The following WDFY3 variants were observed in gnomAD, a reference collection of about 807,000 sequenced individuals.
The protein encoded by WDFY3 is WD repeat and FYVE domain containing 3, also known as WD repeat and FYVE domain-containing protein 3.
A neutral mutation model predicts 409.6 loss-of-function variants in WDFY3; 66 were observed. That is an observed-to-expected ratio of 0.16 (90% CI 0.13 to 0.20). WDFY3 has a LOEUF of 0.20. WDFY3 is among the 10% of genes least tolerant of loss of function. The probability of loss-of-function intolerance (pLI) is 1.00; values close to 1 mark genes in which losing one functional copy is unlikely to be tolerated. For synonymous variants in WDFY3, 1,521 were observed against 1,537.1 expected, an observed-to-expected ratio of 0.99 and a Z score of 0.25; for missense variants, 3,031 against 4,298.1, an observed-to-expected ratio of 0.71 and a Z score of 8.24.
chr4:84,696,811 T>C lies in WDFY3; in HGVS notation c.8609A>G (p.Asn2870Ser), dbSNP rs1730225239. 3 of 1,613,698 alleles carry C rather than the reference T, an allele frequency of 1.9e-6. No individual in the cohort carries two copies. The highest frequency in any genetic ancestry group is 8.5e-7 in the Non-Finnish European group (1 of 1,179,824). Residue 2870 changes from asparagine (N) to serine (S), a missense_variant, in exon 57 of 68, where the codon AAT (asparagine) becomes AGT (serine). This residue lies in a region of WDFY3 where 129 missense variants were observed against 305.3 expected (regional missense o/e 0.42). Coordinates refer to ENST00000295888, the MANE Select transcript of WDFY3 (RefSeq NM_014991.6). The stretch of plus-strand genomic sequence containing the variant: ...GATAACATCTCCAAGCTTGGTGCCA[T>C]TTTGTTTACAGCCTATGCAATTGGA... ...SNNFDLGCKQNGTKLGDVILP... is the reference protein window; with the variant it reads ...SNNFDLGCKQSGTKLGDVILP...
intron 2 of WDFY3, among the ~76,000 whole-genome samples, chr4:84,912,859 T>C (rs948153271): frequency 1.3e-5 from 2 of 152,186 alleles, no homozygotes; most frequent in Admixed American, 1.3e-4. Context: ...GCAAATGCAG[T>C]TGGGTTTATA....
In WDFY3 at chr4:84,692,894, G is replaced by A; in HGVS notation, c.9040C>T (p.Pro3014Ser). The change falls in exon 59 of 68, where the codon CCT (proline) becomes TCT (serine). Residue 3014 changes from proline (P) to serine (S), a missense_variant. Pro to Ser is a moderately conservative substitution (Grantham distance 74). Coordinates refer to ENST00000295888, the MANE Select transcript of WDFY3 (RefSeq NM_014991.6). ...TTTCTCATTATTTTACCTTTTACAGGTGTTAGAGAAGGCCTCAAGTTGTCT... is the reference window on the plus strand; with the variant it reads ...TTTCTCATTATTTTACCTTTTACAGATGTTAGAGAAGGCCTCAAGTTGTCT... Reference protein sequence around the residue: ...HLDNLRPSLTPVKELKEPVGQ... With the variant: ...HLDNLRPSLTSVKELKEPVGQ... 6.2e-7 allele frequency: 1 copy of A among 1,606,172 alleles called. No homozygotes were observed. Among genetic ancestry groups the A allele is most frequent in the Non-Finnish European group, 8.5e-7 (1 of 1,178,260 alleles).
At position 84,910,638 on chromosome 4, in the gene WDFY3, A is replaced by C. The variant is rs148413371; in HGVS notation, c.-131-13628T>G. Among the ~76,000 whole-genome samples the C allele has an allele frequency of 5.7e-3, 866 of 152,194 alleles. 9 individuals are homozygous for C. Among genetic ancestry groups the C allele is most frequent in the South Asian group, 0.044 (212 of 4,828 alleles). Reference sequence around the variant, plus strand: ...CTTAAAAATTAACATAAAATGGGTCATAGACCTAAATTTAAGAGCTGAAAC... The same window carrying C: ...CTTAAAAATTAACATAAAATGGGTCCTAGACCTAAATTTAAGAGCTGAAAC... On this transcript the variant is annotated intron_variant, in intron 2 of 67. Coordinates refer to ENST00000295888, the MANE Select transcript of WDFY3 (RefSeq NM_014991.6).
chr4:84,746,033 C>T (rs986572539), intron 36 of WDFY3, among the ~76,000 whole-genome samples: 1 of 151,128 alleles, frequency 6.6e-6, no homozygotes, highest in Admixed American at 6.6e-5. Context: ...CCTGGTTGGG[C>T]ACGGTGGCTC....
intron 3 of WDFY3, among the ~76,000 whole-genome samples, chr4:84,881,003 A>ACGAC (rs1763461672): frequency 1.3e-5 from 2 of 151,916 alleles, no homozygotes; most frequent in African/African-American, 4.8e-5. Flanking sequence ...GATTACAGGT[A>ACGAC]CGACCCACTG....
At chr4:84,904,113 G>C (rs1766694985) in intron 2 of WDFY3, among the ~76,000 whole-genome samples, 1 of 152,116 alleles carries the variant, frequency 6.6e-6, no homozygotes, top group African/African-American at 2.4e-5. Flanking sequence ...CACATGTGAG[G>C]ACACAGCAAG....
At chr4:84,946,964 G>A (rs536839205) in intron 1 of WDFY3, among the ~76,000 whole-genome samples, 1 of 151,560 alleles carries the variant, frequency 6.6e-6, no homozygotes, top group South Asian at 2.1e-4. Flanking sequence ...CTGCCACCAC[G>A]CCTGGCTAAT....
chr4:84,740,110 T>A (rs1738143601), intron 39 of WDFY3, 77 bp downstream of exon 39: 1 of 1,398,766 alleles, frequency 7.1e-7, no homozygotes, highest in Non-Finnish European at 1.0e-6. Context: ...AATGTTACTA[T>A]CAAAAAAAAT....
At chr4:84,755,189 A>G in intron 34 of WDFY3, 77 bp downstream of exon 34, 2 of 1,572,474 alleles carry the variant, frequency 1.3e-6, no homozygotes. Context: ...TATGTTACCA[A>G]AAAATTCCTC....
chr4:84,755,349 C>G lies in WDFY3; in HGVS notation c.5476G>C (p.Gly1826Arg), dbSNP rs191431603. Residue 1826 changes from glycine to arginine, a missense_variant, in exon 34 of 68, where the codon GGA (glycine) becomes CGA (arginine). Physicochemically the swap from Gly to Arg is moderately radical, Grantham distance 125. Transcript: ENST00000295888. ...TTATGGATAGAAGAGACCACAGTTC[C>G]GCTGGAGGCAGGAACTCCAAAGATG... ...TFIFGVPASS[G>R]TVVSSIHNVC... 1 of 1,611,986 alleles carries G rather than the reference C, an allele frequency of 6.2e-7. No homozygotes were observed.
rs766909101 is a variant in WDFY3 at position 84,690,679 on chromosome 4, G to A, written c.9205-15C>T. ...ACAGTCATGGCCTATAAAGTAAAACGGATGTGAGACACACATGCCGTTAAG... is the reference window on the plus strand; with the variant it reads ...ACAGTCATGGCCTATAAAGTAAAACAGATGTGAGACACACATGCCGTTAAG... On this transcript the variant is annotated splice_polypyrimidine_tract_variant and intron_variant, in intron 60 of 67. Coordinates refer to ENST00000295888, the MANE Select transcript of WDFY3 (RefSeq NM_014991.6). The A allele has an allele frequency of 5.6e-6, 9 of 1,601,680 alleles. No homozygotes were observed. The highest frequency in any genetic ancestry group is 4.0e-5 in the African/African-American group (3 of 74,526).
At chr4:84,891,292 G>A (rs543767706) in intron 3 of WDFY3, among the ~76,000 whole-genome samples, 13 of 152,198 alleles carry the variant, frequency 8.5e-5, no homozygotes, top group Middle Eastern at 3.4e-3. Flanking sequence ...TAAACTGCTA[G>A]ACCAAATTTT....
At chr4:84,708,792 T>C (rs1250826532) in intron 53 of WDFY3, 117 bp downstream of exon 53, 3 of 1,148,488 alleles carry the variant, frequency 2.6e-6, no homozygotes, top group Non-Finnish European at 3.7e-6. Context: ...TCGCCTCTCT[T>C]AGCCTCCCAA....
intron 66 of WDFY3, 90 bp downstream of exon 66, chr4:84,678,078 T>C (rs1726660005): frequency 4.4e-6 from 4 of 906,726 alleles, no homozygotes; most frequent in Admixed American, 3.5e-5. Flanking sequence ...ATAAAATCTG[T>C]TTTCCCCAAA....
chr4:84,733,959 T>C (rs1469954835), intron 43 of WDFY3, among the ~76,000 whole-genome samples: 1 of 152,156 alleles, frequency 6.6e-6, no homozygotes, highest in Non-Finnish European at 1.5e-5. Context: ...TAAATATATA[T>C]GGTAATTTAA....
At chr4:84,862,896 C>T (rs923379146) in intron 3 of WDFY3, among the ~76,000 whole-genome samples, 1 of 152,184 alleles carries the variant, frequency 6.6e-6, no homozygotes, top group Non-Finnish European at 1.5e-5. Context: ...ACCCACCATT[C>T]TACTCTCTAC....
intron 5 of WDFY3, chr4:84,844,640 A>C (rs1318734384): frequency 1.5e-5 from 9 of 618,576 alleles, no homozygotes; most frequent in Non-Finnish European, 2.2e-5. Context: ...TGGGGATTGC[A>C]CTACTAGGTT....
At chr4:84,931,066 C>T (rs1770703414) in intron 2 of WDFY3, among the ~76,000 whole-genome samples, 2 of 152,086 alleles carry the variant, frequency 1.3e-5, no homozygotes, top group South Asian at 4.1e-4. Context: ...TACTTTGTTA[C>T]AGGCAAGTAT....
At chr4:84,839,292 T>A (rs1757011101) in intron 6 of WDFY3, among the ~76,000 whole-genome samples, 1 of 152,132 alleles carries the variant, frequency 6.6e-6, no homozygotes, top group Non-Finnish European at 1.5e-5. Flanking sequence ...ACATATGCTA[T>A]TCTAAACCAA....
Sources: gnomAD v4.1 joint callset for allele counts (sites outside exome capture counted in the v4.1 genomes callset) on GRCh38, gnomAD v4.1.1 for gene constraint, gnomAD v4.1.1 regional missense constraint, MANE v1.5 for transcripts, NCBI Gene and HGNC (gene_info 2026-07-23, HGNC 2026-07-21) for gene names.